UBE2E2: variants seen among roughly 807,000 people sequenced by gnomAD.
The protein encoded by UBE2E2 is ubiquitin-conjugating enzyme E2 E2.
UBE2E2 carries 6 observed loss-of-function variants against 24.7 expected under a neutral mutation model. The observed-to-expected ratio is 0.24, with a 90% CI of 0.13 to 0.48. UBE2E2 has a LOEUF of 0.48. Ranked by LOEUF, UBE2E2 falls within the 20% of genes least tolerant of loss-of-function variation. The pLI is 0.99. For synonymous variants in UBE2E2, 104 were observed against 83.6 expected (o/e 1.24, Z -1.33); for missense variants, 169 against 245.0 (o/e 0.69, Z 2.07).
At chr3:23,587,102 T>G (rs569544678) in intron 5 of UBE2E2, among the ~76,000 whole-genome samples, 1 of 152,260 alleles carries the variant, frequency 6.6e-6, no homozygotes, top group Non-Finnish European at 1.5e-5. Context: ...ATTTTACAGG[T>G]GGAAAAAAAA....
At chr3:23,582,592 T>C (rs1167829112) in intron 5 of UBE2E2, among the ~76,000 whole-genome samples, 2 of 152,132 alleles carry the variant, frequency 1.3e-5, no homozygotes, top group Non-Finnish European at 2.9e-5. Context: ...TTAATAATGG[T>C]CATTCTGACT....
chr3:23,278,681 T>C (rs1698421134), intron 3 of UBE2E2, among the ~76,000 whole-genome samples: 1 of 152,138 alleles, frequency 6.6e-6, no homozygotes, highest in South Asian at 2.1e-4. Flanking sequence ...TAAATGTACC[T>C]TTCAAAACGT....
rs548596297 is a variant in UBE2E2, at chr3:23,581,217, C to G, written c.509-8517C>G. 3.3e-5 allele frequency among the ~76,000 whole-genome samples: 5 copies of G among 152,014 alleles called. No homozygotes were observed. In the South Asian group the frequency reaches 1.0e-3, roughly 32 times the overall value. ...GGACTATAGGCATGCACCACCACACCCAGCTAATTTTTAAAAATTTATGTA... is the reference window on the plus strand; with the variant it reads ...GGACTATAGGCATGCACCACCACACGCAGCTAATTTTTAAAAATTTATGTA... On this transcript the variant is annotated intron_variant, in intron 5 of 5. Transcript: ENST00000396703.
chr3:23,325,677 A>G (rs1694870302), intron 3 of UBE2E2, among the ~76,000 whole-genome samples: 4 of 152,162 alleles, frequency 2.6e-5, no homozygotes, highest in Admixed American at 2.0e-4. Flanking sequence ...TTCATTTTTC[A>G]CCATGTGAGG....
intron 2 of UBE2E2, among the ~76,000 whole-genome samples, chr3:23,216,940 A>G (rs1696491800): frequency 6.6e-6 from 1 of 152,086 alleles, no homozygotes; most frequent in African/African-American, 2.4e-5. Context: ...CTAATACAAA[A>G]CAGAAGTTAA....
At chr3:23,481,394 G>C (rs1419526375) in intron 3 of UBE2E2, among the ~76,000 whole-genome samples, 1 of 152,162 alleles carries the variant, frequency 6.6e-6, no homozygotes, top group African/African-American at 2.4e-5. Context: ...TCAGGCTATC[G>C]TTTCTCATTT....
intron 3 of UBE2E2, among the ~76,000 whole-genome samples, chr3:23,357,248 A>G (rs894356430): frequency 6.6e-6 from 1 of 152,150 alleles, no homozygotes; most frequent in African/African-American, 2.4e-5. Flanking sequence ...TTTTGTGGTG[A>G]TTATTGATTT....
chr3:23,346,083 C>A lies in UBE2E2; in HGVS notation c.227+128771C>A, dbSNP rs538711824. ...ATTGTATTCCCTTCTTATTTTTAAG[C>A]CCCCCTACTTCTAGTTTTCGCCTTT... On this transcript the variant is annotated intron_variant, in intron 3 of 5. Transcript: ENST00000396703. Among the ~76,000 whole-genome samples the A allele has an allele frequency of 1.3e-4, 20 of 152,242 alleles. 2 individuals carry two copies. Among genetic ancestry groups the A allele is most frequent in the African/African-American group, 4.6e-4 (19 of 41,562 alleles).
intron 3 of UBE2E2, among the ~76,000 whole-genome samples, chr3:23,272,190 G>A (rs1285402901): frequency 1.3e-5 from 2 of 152,174 alleles, no homozygotes; most frequent in Non-Finnish European, 2.9e-5. Context: ...GCTGAGGCCT[G>A]GCGAGAGTTC....
intron 3 of UBE2E2, among the ~76,000 whole-genome samples, chr3:23,278,032 C>T (rs991513923): frequency 5.3e-5 from 8 of 152,096 alleles, no homozygotes; most frequent in South Asian, 2.1e-4. Flanking sequence ...AATATCCAGT[C>T]GGCTTTTATG....
At chr3:23,392,430 C>T (rs1309554347) in intron 3 of UBE2E2, among the ~76,000 whole-genome samples, 1 of 151,990 alleles carries the variant, frequency 6.6e-6, no homozygotes. Flanking sequence ...TCTGGCTCTT[C>T]TACTTACTAG....
intron 1 of UBE2E2, among the ~76,000 whole-genome samples, 182 bp from the exon 2 acceptor site, chr3:23,208,510 A>C (rs1696214493): frequency 6.6e-6 from 1 of 152,214 alleles, no homozygotes; most frequent in South Asian, 2.1e-4. Flanking sequence ...ATTTTAGAAT[A>C]CATTTTGAAT....
At chr3:23,242,977 T>TG (rs1240873572) in intron 3 of UBE2E2, among the ~76,000 whole-genome samples, 11 of 151,822 alleles carry the variant, frequency 7.2e-5, no homozygotes, top group Admixed American at 6.6e-4. Flanking sequence ...TCCCAGCTAC[T>TG]TGGGAGGCTG....
At chr3:23,358,454 A>G (rs906863796) in intron 3 of UBE2E2, among the ~76,000 whole-genome samples, 1 of 152,250 alleles carries the variant, frequency 6.6e-6, no homozygotes, top group Non-Finnish European at 1.5e-5. Flanking sequence ...AAAATGTTCT[A>G]TATAACAAAC....
rs1575470715 is a variant in UBE2E2, at chr3:23,208,775, A to C, written c.76A>C (p.Ser26Arg). Residue 26 changes from serine to arginine, a missense_variant, in exon 2 of 6, where the codon AGT becomes CGT. Physicochemically the swap from Ser to Arg is moderately radical, Grantham distance 110. This residue lies in a region of UBE2E2 where 64 missense variants were observed against 64.3 expected (regional missense o/e 1.00). Transcript: ENST00000396703. ...AAGTTCCGATGGAGATCAACGTGAA[A>C]GTGTTCAGCAAGAACCAGAAAGAGA... ...GGSSDGDQRESVQQEPEREQV... is the reference protein window; with the variant it reads ...GGSSDGDQRERVQQEPEREQV... The C allele has an allele frequency of 6.2e-7, 1 of 1,613,894 alleles. No individual in the cohort carries two copies. Among genetic ancestry groups the C allele is most frequent in the African/African-American group, 1.3e-5 (1 of 75,040 alleles).
At chr3:23,539,575 T>G (rs1257942727) in intron 5 of UBE2E2, among the ~76,000 whole-genome samples, 1 of 152,230 alleles carries the variant, frequency 6.6e-6, no homozygotes, top group Non-Finnish European at 1.5e-5. Flanking sequence ...GTTTCCTTAC[T>G]TCTAACGCAG....
intron 3 of UBE2E2, among the ~76,000 whole-genome samples, chr3:23,292,755 G>A (rs1559336044): frequency 6.6e-6 from 1 of 152,154 alleles, no homozygotes; most frequent in Non-Finnish European, 1.5e-5. Context: ...TAACCTGTTT[G>A]TGCCTCTTTT....
intron 3 of UBE2E2, among the ~76,000 whole-genome samples, chr3:23,353,815 G>A (rs1695842606): frequency 7.3e-6 from 1 of 137,194 alleles, no homozygotes. Flanking sequence ...TACTGTCCAA[G>A]GTAATTTATA....
intron 3 of UBE2E2, among the ~76,000 whole-genome samples, chr3:23,289,962 G>A (rs1415489752): frequency 1.3e-5 from 2 of 151,702 alleles, no homozygotes; most frequent in Non-Finnish European, 1.5e-5. Flanking sequence ...TTTCTCTTAC[G>A]GAGCATATAT....
Sources: allele counts gnomAD v4.1 joint callset (sites outside exome capture counted in the v4.1 genomes callset), GRCh38; gene constraint gnomAD v4.1.1; regional missense constraint gnomAD v4.1.1; transcripts MANE v1.5; gene names NCBI Gene and HGNC (gene_info 2026-07-23, HGNC 2026-07-21).